Variants in TM9SF4 observed in about 807,000 individuals in gnomAD.
The protein encoded by TM9SF4 is transmembrane 9 superfamily member 4, also known as dinucleotide oxidase disulfide thiol exchanger 3 superfamily member 4.
Under a neutral mutation model 90.4 loss-of-function variants are expected in TM9SF4, and 26 were observed. That is an observed-to-expected ratio of 0.29 (90% CI 0.21 to 0.40). The LOEUF is 0.40. Ranked by LOEUF, TM9SF4 falls within the 10% of genes least tolerant of loss-of-function variation. The pLI is 1.00. For missense variants in TM9SF4, 549 were observed against 834.8 expected, an observed-to-expected ratio of 0.66 and a Z score of 4.22; for synonymous variants, 293 against 315.4, an observed-to-expected ratio of 0.93 and a Z score of 0.75.
In TM9SF4 at chr20:32,143,584, G is replaced by A. The variant is rs556667860; in HGVS notation, c.652+479G>A. ...ATTTGCCCAGGGTCAACAGGTGTGC[G>A]GGAGTTTGAGAGTCCAGCACAGTCC... On this transcript the variant is annotated intron_variant, in intron 6 of 17. Transcript: ENST00000398022. Among the ~76,000 whole-genome samples, 6 of 152,306 alleles carry A rather than the reference G, an allele frequency of 3.9e-5. 1 individual carries two copies. Among genetic ancestry groups the A allele is most frequent in the African/African-American group, 1.2e-4 (5 of 41,562 alleles).
At chr20:32,116,052 C>T (rs2046217806) in intron 1 of TM9SF4, 1 of 151,968 alleles carries the variant, frequency 6.6e-6, no homozygotes, top group South Asian at 2.1e-4. Flanking sequence ...GAACTCCTGA[C>T]CTTGGGTGAT....
At chr20:32,139,893 T>A (rs961899579) in intron 3 of TM9SF4, among the ~76,000 whole-genome samples, 1 of 152,232 alleles carries the variant, frequency 6.6e-6, no homozygotes, top group African/African-American at 2.4e-5. Flanking sequence ...TTAACATCTC[T>A]CTTCCTTTCA....
At chr20:32,163,293 A>ATG (rs1397684500) in intron 17 of TM9SF4, among the ~76,000 whole-genome samples, 3 of 56,382 alleles carry the variant, frequency 5.3e-5, no homozygotes, top group Admixed American at 1.8e-4. Flanking sequence ...ATATATATAT[A>ATG]TATGTATGTA....
intron 15 of TM9SF4, chr20:32,159,715 T>A: frequency 2.1e-6 from 1 of 465,934 alleles, no homozygotes; most frequent in South Asian, 2.8e-5. Flanking sequence ...GTGGCTGCTC[T>A]ATAATTTTGA....
intron 12 of TM9SF4, among the ~76,000 whole-genome samples, chr20:32,152,755 C>T (rs1017515678): frequency 1.3e-5 from 2 of 152,186 alleles, no homozygotes; most frequent in African/African-American, 4.8e-5. Context: ...TCCTTTAAGT[C>T]TTAGCTCCTG....
At chr20:32,148,105 C>T (rs1299348768) in intron 9 of TM9SF4, among the ~76,000 whole-genome samples, 2 of 152,018 alleles carry the variant, frequency 1.3e-5, no homozygotes, top group Non-Finnish European at 2.9e-5. Flanking sequence ...AGCAAGACTC[C>T]GTCTCATAAA....
chr20:32,148,588 T>C (rs1167150013), intron 9 of TM9SF4, among the ~76,000 whole-genome samples: 2 of 151,924 alleles, frequency 1.3e-5, no homozygotes, highest in Non-Finnish European at 2.9e-5. Context: ...GGCAACTTGT[T>C]TTGCACAGCA....
intron 12 of TM9SF4, among the ~76,000 whole-genome samples, chr20:32,152,515 C>T (rs2046857726): frequency 6.6e-6 from 1 of 151,948 alleles, no homozygotes; most frequent in Non-Finnish European, 1.5e-5. Flanking sequence ...GTGAATTCCA[C>T]CCCCTCCCAC....
intron 1 of TM9SF4, among the ~76,000 whole-genome samples, chr20:32,120,127 C>G (rs1401476517): frequency 6.6e-6 from 1 of 152,008 alleles, no homozygotes; most frequent in Non-Finnish European, 1.5e-5. Flanking sequence ...TGTTCTGGGT[C>G]CTTTGTATTT....
rs901650920 is a variant in TM9SF4 at position 32,156,855 on chromosome 20, C to T, written c.1330-939C>T. ...CTCCTGGGCTCAAGTGATCTGCCCA[C>T]CTAGGCCTCCCAAAGTGCTGGGATT... On this transcript the variant is annotated intron_variant, in intron 13 of 17. Transcript: ENST00000398022. Among the ~76,000 whole-genome samples, 5 of 152,124 alleles carry T rather than the reference C, an allele frequency of 3.3e-5. No individual in the cohort carries two copies. In the East Asian group the frequency reaches 9.6e-4, roughly 29 times the overall value.
Position 32,145,173 on chromosome 20 carries a change from G to T in TM9SF4, c.735G>T (p.Glu245Asp), listed in dbSNP as rs1212072638. ...CCCAAGAAATTGACCCCACCAAGGA[G>T]AATCAGCTGTACTTCACCTACTCTG... ...SSPQEIDPTK[E>D]NQLYFTYSVH... is the part of the protein sequence containing the mutation. The change falls in exon 7 of 18, where the codon GAG becomes GAT. Residue 245 changes from glutamate (E) to aspartate (D), a missense_variant. By Grantham distance (45) the Glu-to-Asp change is conservative. This residue lies in a region of TM9SF4 where 495 missense variants were observed against 711.7 expected (regional missense o/e 0.70). Transcript: ENST00000398022. The T allele has an allele frequency of 6.2e-7, 1 of 1,614,192 alleles. No homozygotes were observed. Among genetic ancestry groups the T allele is most frequent in the Admixed American group, 1.7e-5 (1 of 60,018 alleles).
At chr20:32,154,871 T>G (rs535844227) in intron 12 of TM9SF4, among the ~76,000 whole-genome samples, 3 of 152,126 alleles carry the variant, frequency 2.0e-5, no homozygotes, top group Non-Finnish European at 2.9e-5. Context: ...AGCCAAAATA[T>G]GTAATTACGA....
chr20:32,136,193 T>C lies in TM9SF4; in HGVS notation c.229+20T>C. 6.2e-7 allele frequency: 1 copy of C among 1,609,756 alleles called. No individual in the cohort carries two copies. Among genetic ancestry groups the C allele is most frequent in the Non-Finnish European group, 8.5e-7 (1 of 1,176,204 alleles). On this transcript the variant is annotated intron_variant, in intron 3 of 17. Transcript: ENST00000398022. ...ATCTGGGTAAGTTCTTCTCCCACAC[T>C]GCTGTCAACTTGTCCCCAGGGGGAA...
chr20:32,137,996 A>T (rs940021799), intron 3 of TM9SF4, among the ~76,000 whole-genome samples: 7 of 152,222 alleles, frequency 4.6e-5, no homozygotes, highest in African/African-American at 1.7e-4. Flanking sequence ...TGTGACTCTG[A>T]TAGTAACTCT....
intron 6 of TM9SF4, among the ~76,000 whole-genome samples, chr20:32,143,948 C>CT (rs148354514): frequency 0.13 from 20,233 of 151,104 alleles, 1,431 homozygotes; most frequent in East Asian, 0.18. Flanking sequence ...ACCATTTTAT[C>CT]TTTTTTTTTC....
In TM9SF4 at chr20:32,149,675, C is replaced by G. The variant is rs201182536; in HGVS notation, c.996C>G (p.Gly332=). 1 of 1,614,080 alleles carries G rather than the reference C, an allele frequency of 6.2e-7. No individual in the cohort carries two copies. The highest frequency in any genetic ancestry group is 8.5e-7 in the Non-Finnish European group (1 of 1,180,048). The part of the protein sequence containing the change: ...MEESGWKLVH[G]DVFRPPQYPM... ...AGTCTGGGTGGAAGTTGGTGCACGG[C>G]GACGTCTTCAGGCCCCCCCAGTACC... is the stretch of plus-strand genomic sequence containing the variant. The change falls in exon 10 of 18, where the codon GGC becomes GGG. Residue 332 remains glycine, a synonymous_variant. Coordinates refer to ENST00000398022, the MANE Select transcript of TM9SF4 (RefSeq NM_014742.4).
At chr20:32,117,813 T>C (rs1389068139) in intron 1 of TM9SF4, among the ~76,000 whole-genome samples, 1 of 152,174 alleles carries the variant, frequency 6.6e-6, no homozygotes, top group Non-Finnish European at 1.5e-5. Flanking sequence ...TGAGGTCTCT[T>C]TTGCTACTTG....
intron 15 of TM9SF4, among the ~76,000 whole-genome samples, chr20:32,158,855 G>A (rs751518639): frequency 6.6e-5 from 10 of 152,026 alleles, no homozygotes; most frequent in Non-Finnish European, 1.3e-4. Context: ...GGTGGCACAC[G>A]CCTGTAGTCC....
intron 1 of TM9SF4, among the ~76,000 whole-genome samples, chr20:32,121,088 A>T (rs6058527): frequency 0.69 from 104,757 of 151,994 alleles, 37,841 homozygotes; most frequent in East Asian, 0.99. Context: ...CGTAGTTTCC[A>T]TTTCTTGTGA....
Sources: gnomAD v4.1 joint callset for allele counts (sites outside exome capture counted in the v4.1 genomes callset) on GRCh38, gnomAD v4.1.1 for gene constraint, gnomAD v4.1.1 regional missense constraint, MANE v1.5 for transcripts, NCBI Gene and HGNC (gene_info 2026-07-23, HGNC 2026-07-21) for gene names.